The following CALCRL variants were observed in gnomAD, a reference collection of about 807,000 sequenced individuals.
CALCRL encodes calcitonin receptor like receptor.
Under a neutral mutation model 60.4 loss-of-function variants are expected in CALCRL, and 27 were observed. The ratio of observed to expected loss-of-function variants is 0.45; its 90% confidence interval spans 0.33 to 0.62. The LOEUF (loss-of-function observed/expected upper bound fraction) is 0.62, where lower values mean the gene tolerates loss of function less well. Ranked by LOEUF, CALCRL falls within the 20% of genes least tolerant of loss-of-function variation. CALCRL has a pLI of 0.03. For synonymous variants in CALCRL, 190 were observed against 182.6 expected (o/e 1.04, Z -0.33); for missense variants, 424 against 540.7 (o/e 0.78, Z 2.14).
At chr2:187,395,001 A>G (rs957316600) in intron 1 of CALCRL, among the ~76,000 whole-genome samples, 12 of 152,214 alleles carry the variant, frequency 7.9e-5, no homozygotes, top group African/African-American at 2.9e-4. Context: ...CATGCTAGAT[A>G]TAAAAAACTT....
chr2:187,406,449 C>T (rs551006721), intron 1 of CALCRL, among the ~76,000 whole-genome samples: 19 of 152,098 alleles, frequency 1.2e-4, no homozygotes, highest in Non-Finnish European at 2.2e-4. Flanking sequence ...CATCATAAAA[C>T]ATATCTTAGG....
At chr2:187,385,506 A>G (rs773039476) in intron 4 of CALCRL, 39 bp downstream of exon 4, 1 of 996,480 alleles carries the variant, frequency 1.0e-6, no homozygotes, top group South Asian at 1.4e-5. Flanking sequence ...GTATACTGGA[A>G]GCAATAACAG....
chr2:187,390,276 T>C (rs1042243040), intron 1 of CALCRL, among the ~76,000 whole-genome samples: 1 of 152,118 alleles, frequency 6.6e-6, no homozygotes, highest in Admixed American at 6.5e-5. Context: ...ATTTAAGATA[T>C]TAGTAGTTCA....
At chr2:187,352,425 TA>T (rs1686575047) in intron 12 of CALCRL, 93 bp from the exon 13 acceptor site, 1 of 717,456 alleles carries the variant, frequency 1.4e-6, no homozygotes. Flanking sequence ...AATCTTAAAA[TA>T]TTTTTAATGT....
At chr2:187,394,841 A>G (rs1208638313) in intron 1 of CALCRL, among the ~76,000 whole-genome samples, 1 of 152,052 alleles carries the variant, frequency 6.6e-6, no homozygotes, top group Non-Finnish European at 1.5e-5. Context: ...CGATTTTCTA[A>G]CCTGAAAATT....
intron 12 of CALCRL, among the ~76,000 whole-genome samples, chr2:187,352,902 C>T (rs1480823682): frequency 6.6e-6 from 1 of 151,880 alleles, no homozygotes; most frequent in Non-Finnish European, 1.5e-5. Flanking sequence ...TTTGAACCAG[C>T]TGATATTCAA....
At chr2:187,428,402 A>G (rs1267182544) in intron 1 of CALCRL, 1 of 152,210 alleles carries the variant, frequency 6.6e-6, no homozygotes, top group African/African-American at 2.4e-5. Flanking sequence ...AAATGAGAAT[A>G]AGTATTTGTA....
intron 1 of CALCRL, among the ~76,000 whole-genome samples, chr2:187,389,159 G>A (rs1028359924): frequency 3.3e-5 from 5 of 149,300 alleles, no homozygotes; most frequent in Non-Finnish European, 5.9e-5. Flanking sequence ...TGCAATCTCC[G>A]TCTTGCAGGT....
chr2:187,427,409 T>C (rs535282893), intron 1 of CALCRL, among the ~76,000 whole-genome samples: 59 of 152,240 alleles, frequency 3.9e-4, no homozygotes, highest in Middle Eastern at 3.4e-3. Flanking sequence ...TTGAGAACCA[T>C]TATGGTGGGC....
At chr2:187,389,293 A>C (rs1688338143) in intron 1 of CALCRL, among the ~76,000 whole-genome samples, 1 of 151,900 alleles carries the variant, frequency 6.6e-6, no homozygotes, top group Admixed American at 6.6e-5. Context: ...GGCTGGTCGC[A>C]AACTCCTGAG....
At chr2:187,411,884 T>G (rs1284073341) in intron 1 of CALCRL, among the ~76,000 whole-genome samples, 1 of 146,998 alleles carries the variant, frequency 6.8e-6, no homozygotes, top group East Asian at 2.0e-4. Context: ...TAGTCACAGC[T>G]ACTCGGGAGG....
chr2:187,396,613 AAAG>A (rs1278284051), intron 1 of CALCRL, among the ~76,000 whole-genome samples: 13 of 151,862 alleles, frequency 8.6e-5, no homozygotes, highest in Non-Finnish European at 1.8e-4. Context: ...TAATTTAAAA[AAAG>A]AAAATTATTA....
chr2:187,411,437 C>G (rs1689352950), intron 1 of CALCRL, among the ~76,000 whole-genome samples: 1 of 152,032 alleles, frequency 6.6e-6, no homozygotes, highest in Non-Finnish European at 1.5e-5. Context: ...CCGTATCCAA[C>G]AGCAGCAATA....
At chr2:187,414,894 A>G (rs1346276640) in intron 1 of CALCRL, among the ~76,000 whole-genome samples, 1 of 147,274 alleles carries the variant, frequency 6.8e-6, no homozygotes, top group Non-Finnish European at 1.5e-5. Flanking sequence ...TTTTTTAAAA[A>G]AAAAAAGGTA....
At chr2:187,374,738 T>A (rs1289216085) in intron 8 of CALCRL, among the ~76,000 whole-genome samples, 2 of 152,138 alleles carry the variant, frequency 1.3e-5, no homozygotes, top group East Asian at 3.8e-4. Context: ...ATATGATTGA[T>A]ATAGTCTAAT....
Position 187,344,261 on chromosome 2 carries a change from CATAG to C in CALCRL, c.*1919_*1922del, listed in dbSNP as rs1294234639. ...TCAAACAAAACAATACTTTTTCATG[CATAG>C]ATAAATTATAAATGTACTGACCAGA... On this transcript the variant is annotated 3_prime_UTR_variant, in exon 15 of 15. Transcript: ENST00000392370. 6.6e-6 allele frequency: 1 copy of C among 151,600 alleles called. No homozygotes were observed. Among genetic ancestry groups the C allele is most frequent in the Non-Finnish European group, 1.5e-5 (1 of 67,656 alleles). The allele number at this position is 151,600 out of a possible 1,614,324, so 9.4% of individuals were successfully genotyped here.
At chr2:187,424,629 G>A (rs1284375365) in intron 1 of CALCRL, among the ~76,000 whole-genome samples, 3 of 151,886 alleles carry the variant, frequency 2.0e-5, no homozygotes, top group Non-Finnish European at 4.4e-5. Flanking sequence ...GAGTAATATA[G>A]ACAAAAAAAT....
At chr2:187,405,960 GGTGTGT>G (rs3079520) in intron 1 of CALCRL, among the ~76,000 whole-genome samples, 1,605 of 146,568 alleles carry the variant, frequency 0.011, 9 homozygotes, top group South Asian at 0.02. Flanking sequence ...TGTATGTAGG[GGTGTGT>G]GTGTGTGTGT....
chr2:187,412,171 C>T (rs1338258551), intron 1 of CALCRL, among the ~76,000 whole-genome samples: 3 of 151,992 alleles, frequency 2.0e-5, no homozygotes, highest in Non-Finnish European at 2.9e-5. Context: ...AATTGAGTTT[C>T]AGTCTGCGTG....
Sources: allele counts gnomAD v4.1 joint callset (sites outside exome capture counted in the v4.1 genomes callset), GRCh38; gene constraint gnomAD v4.1.1; transcripts MANE v1.5; gene names NCBI Gene and HGNC (gene_info 2026-07-23, HGNC 2026-07-21).